Variants in CTNNA3 observed in about 807,000 individuals in gnomAD.
CTNNA3 encodes catenin alpha 3, also known as catenin alpha-3.
In CTNNA3, 76 loss-of-function variants were observed where a neutral mutation model predicts 95.7. The ratio of observed to expected loss-of-function variants is 0.79; its 90% CI spans 0.66 to 0.96. The LOEUF (loss-of-function observed/expected upper bound fraction) is 0.96. CTNNA3 is among the 40% of genes least tolerant of loss of function. The probability of loss-of-function intolerance (pLI) is 0.00; values close to 1 mark genes in which losing one functional copy is unlikely to be tolerated. For missense variants in CTNNA3, 1,191 were observed against 1,089.8 expected (o/e 1.09, Z -1.31); for synonymous variants, 431 against 374.4 (o/e 1.15, Z -1.74).
chr10:65,973,717 G>A (rs1352101423), intron 16 of CTNNA3, among the ~76,000 whole-genome samples: 2 of 152,084 alleles, frequency 1.3e-5, no homozygotes, highest in East Asian at 3.9e-4. Context: ...GTGGGAACAG[G>A]TGCACGACGT....
chr10:67,043,884 C>T (rs1854560398), intron 7 of CTNNA3, among the ~76,000 whole-genome samples: 1 of 149,918 alleles, frequency 6.7e-6, no homozygotes, highest in Non-Finnish European at 1.5e-5. Flanking sequence ...GTTCTGTAGG[C>T]AATCTGACAA....
At chr10:67,410,504 G>A (rs569727314) in intron 5 of CTNNA3, among the ~76,000 whole-genome samples, 1 of 151,856 alleles carries the variant, frequency 6.6e-6, no homozygotes, top group Admixed American at 6.6e-5. Flanking sequence ...ATGTACCCCT[G>A]AACTTAAAAT....
intron 7 of CTNNA3, among the ~76,000 whole-genome samples, chr10:66,846,494 C>T (rs1352585443): frequency 1.3e-5 from 2 of 148,820 alleles, no homozygotes; most frequent in African/African-American, 5.1e-5. Flanking sequence ...CACACACACA[C>T]ACAAAATGAG....
At chr10:66,407,398 T>C (rs2093066201) in intron 11 of CTNNA3, among the ~76,000 whole-genome samples, 1 of 152,086 alleles carries the variant, frequency 6.6e-6, no homozygotes, top group Non-Finnish European at 1.5e-5. Context: ...TATCACATAC[T>C]ATAGGAGAAA....
chr10:67,388,913 C>T (rs538919176), intron 5 of CTNNA3, among the ~76,000 whole-genome samples: 1 of 152,234 alleles, frequency 6.6e-6, no homozygotes, highest in African/African-American at 2.4e-5. Flanking sequence ...GAAGGAAGCG[C>T]TAAACATGGA....
At chr10:67,617,572 G>A (rs1227635435) in intron 2 of CTNNA3, among the ~76,000 whole-genome samples, 1 of 152,086 alleles carries the variant, frequency 6.6e-6, no homozygotes, top group Non-Finnish European at 1.5e-5. Context: ...ACAGGCACGT[G>A]CATATGTCTT....
chr10:67,471,922 A>T (rs1225224718), intron 5 of CTNNA3, among the ~76,000 whole-genome samples: 1 of 152,264 alleles, frequency 6.6e-6, no homozygotes, highest in African/African-American at 2.4e-5. Context: ...ACACAGATCA[A>T]TGATGGAAAC....
rs573524797 is a variant in CTNNA3, at chr10:66,701,824, T to C, written c.1281+64440A>G. 1.1e-4 allele frequency among the ~76,000 whole-genome samples: 17 copies of C among 152,314 alleles called. No individual in the cohort carries two copies. In the South Asian group the frequency reaches 2.1e-3, roughly 19 times the overall value. ...TAATTTTGGAATGTTTGCATATACA[T>C]AATGAGATATCTTGGAGATGGGACC... On this transcript the variant is annotated intron_variant, in intron 9 of 17. Coordinates refer to ENST00000433211, the MANE Select transcript of CTNNA3 (RefSeq NM_013266.4).
intron 9 of CTNNA3, among the ~76,000 whole-genome samples, chr10:66,724,675 A>G (rs999120141): frequency 1.3e-5 from 2 of 152,224 alleles, no homozygotes; most frequent in Admixed American, 1.3e-4. Flanking sequence ...GACACTATAT[A>G]CATTTAGGAC....
intron 11 of CTNNA3, among the ~76,000 whole-genome samples, chr10:66,507,729 A>C (rs1840501112): frequency 6.6e-6 from 1 of 151,858 alleles, no homozygotes; most frequent in Non-Finnish European, 1.5e-5. Context: ...TATATATTAC[A>C]TTTTCTTTAT....
At chr10:67,101,261 G>A (rs943920052) in intron 7 of CTNNA3, among the ~76,000 whole-genome samples, 1 of 151,628 alleles carries the variant, frequency 6.6e-6, no homozygotes, top group Non-Finnish European at 1.5e-5. Flanking sequence ...AATTGAGACT[G>A]CATAATTATA....
chr10:66,736,102 T>C (rs1655820201), intron 9 of CTNNA3, among the ~76,000 whole-genome samples: 1 of 152,194 alleles, frequency 6.6e-6, no homozygotes, highest in East Asian at 1.9e-4. Context: ...CCAGCCTCTC[T>C]TATTCAACGT....
At chr10:66,429,649 A>C (rs1469034610) in intron 11 of CTNNA3, among the ~76,000 whole-genome samples, 1 of 152,194 alleles carries the variant, frequency 6.6e-6, no homozygotes, top group African/African-American at 2.4e-5. Flanking sequence ...CAAAGACAAA[A>C]AACACATGAT....
At chr10:66,340,189 C>T (rs2092439568) in intron 12 of CTNNA3, among the ~76,000 whole-genome samples, 1 of 151,780 alleles carries the variant, frequency 6.6e-6, no homozygotes, top group Non-Finnish European at 1.5e-5. Flanking sequence ...GACTAGCTTT[C>T]TTGACTTACA....
At chr10:67,634,849 A>C (rs1431058912) in intron 2 of CTNNA3, among the ~76,000 whole-genome samples, 1 of 152,186 alleles carries the variant, frequency 6.6e-6, no homozygotes, top group Non-Finnish European at 1.5e-5. Context: ...ACCTATAAAG[A>C]TACTTAGATT....
intron 12 of CTNNA3, among the ~76,000 whole-genome samples, chr10:66,298,203 A>G (rs1453272957): frequency 6.6e-6 from 1 of 152,180 alleles, no homozygotes; most frequent in Non-Finnish European, 1.5e-5. Flanking sequence ...AGCAAGGTTA[A>G]AGGGCAGACA....
In CTNNA3 at chr10:67,566,043, G is replaced by GTGTATATATATATA. The variant is rs1274109672; in HGVS notation, c.293-26375_293-26374insTATATATATATACA. On this transcript the variant is annotated intron_variant, in intron 3 of 17. Transcript: ENST00000433211. ...CACACACACACACATATGTGTGTGTGTATATATATATATATATATATATAT... is the reference window on the plus strand; with the variant it reads ...CACACACACACACATATGTGTGTGTGTGTATATATATATATATATATATATATATATATATATAT... Among the ~76,000 whole-genome samples the GTGTATATATATATA allele has an allele frequency of 1.3e-3, 36 of 26,960 alleles. 1 individual carries two copies. The highest frequency in any genetic ancestry group is 2.1e-3 in the South Asian group (1 of 466). 17.7% of individuals were successfully genotyped at this position (26,960 alleles called of 152,430 possible). A position where few individuals can be genotyped will look rare whatever the true frequency, so the allele number is the denominator to read the frequency against.
intron 9 of CTNNA3, 74 bp from the exon 10 acceptor site, chr10:66,621,858 G>T: frequency 2.7e-6 from 2 of 738,058 alleles, no homozygotes; most frequent in South Asian, 2.1e-5. Flanking sequence ...TACTGAACAA[G>T]AACATGTACA....
chr10:67,048,895 T>G (rs975682262), intron 7 of CTNNA3, among the ~76,000 whole-genome samples: 5 of 152,174 alleles, frequency 3.3e-5, no homozygotes, highest in African/African-American at 9.6e-5. Context: ...TTTATTATCC[T>G]GCTGAAGTTT....
Sources: allele counts gnomAD v4.1 joint callset (sites outside exome capture counted in the v4.1 genomes callset), GRCh38; gene constraint gnomAD v4.1.1; transcripts MANE v1.5; gene names NCBI Gene and HGNC (gene_info 2026-07-23, HGNC 2026-07-21).